Variants in CCSER1 observed in about 807,000 individuals in gnomAD.
CCSER1 encodes serine-rich coiled-coil domain-containing protein 1.
CCSER1 carries 41 observed loss-of-function variants against 82.0 expected under a neutral mutation model. That is an observed-to-expected ratio of 0.50 (90% CI 0.39 to 0.65). The LOEUF (loss-of-function observed/expected upper bound fraction) is 0.65. Among genes scored for constraint, CCSER1 ranks in the 30% least tolerant of loss-of-function variants. The pLI is 0.00. For missense variants in CCSER1, 1,119 were observed against 1,064.2 expected, an observed-to-expected ratio of 1.05 and a Z score of -0.72; for synonymous variants, 414 against 383.9, an observed-to-expected ratio of 1.08 and a Z score of -0.92.
intron 10 of CCSER1, among the ~76,000 whole-genome samples, chr4:91,115,104 G>C (rs1028498385): frequency 6.6e-6 from 1 of 152,096 alleles, no homozygotes; most frequent in African/African-American, 2.4e-5. Context: ...ATAAATAATA[G>C]CATAATGTCA....
At chr4:90,822,155 C>T (rs952404981) in intron 8 of CCSER1, among the ~76,000 whole-genome samples, 2 of 151,874 alleles carry the variant, frequency 1.3e-5, no homozygotes, top group South Asian at 2.1e-4. Context: ...GTTCTATGAC[C>T]GTGAAGAGAA....
intron 6 of CCSER1, among the ~76,000 whole-genome samples, chr4:90,646,406 G>A (rs1727611985): frequency 6.6e-6 from 1 of 152,146 alleles, no homozygotes; most frequent in East Asian, 1.9e-4. Context: ...GTATACACTG[G>A]GGTTTAGGAG....
At chr4:90,727,096 T>G (rs1483422224) in intron 7 of CCSER1, 1 of 353,566 alleles carries the variant, frequency 2.8e-6, no homozygotes, top group Non-Finnish European at 5.5e-6. Flanking sequence ...AAAAGTTTCT[T>G]TTATAAGAAC....
intron 9 of CCSER1, among the ~76,000 whole-genome samples, chr4:91,074,361 T>G (rs536710548): frequency 6.6e-6 from 1 of 152,324 alleles, no homozygotes; most frequent in Non-Finnish European, 1.5e-5. Flanking sequence ...TTTATTTAGA[T>G]AATGCCAATA....
intron 7 of CCSER1, among the ~76,000 whole-genome samples, chr4:90,745,867 A>AT (rs111497643): frequency 2.1e-4 from 31 of 146,980 alleles, no homozygotes; most frequent in African/African-American, 4.4e-4. Context: ...ATTTTTTTTA[A>AT]TTTTTTTTTT....
At chr4:91,290,045 T>C (rs913304409) in intron 10 of CCSER1, among the ~76,000 whole-genome samples, 7 of 152,032 alleles carry the variant, frequency 4.6e-5, no homozygotes, top group African/African-American at 1.2e-4. Context: ...AGGTACTCTG[T>C]AAGCTATGAA....
chr4:91,469,413 C>A lies in CCSER1; in HGVS notation c.2218-129159C>A, dbSNP rs183031849. Among the ~76,000 whole-genome samples, 27 of 152,256 alleles carry A rather than the reference C, an allele frequency of 1.8e-4. No individual in the cohort carries two copies. The East Asian group carries it at 5.2e-3, about 29-fold the overall frequency. On this transcript the variant is annotated intron_variant, in intron 10 of 10. Transcript: ENST00000509176. ...ATTTTCCCTAATAATGCTTTTAAGG[C>A]AGATTTTTCGTTCAGCTTAGTTTTT...
chr4:90,436,924 A>T (rs1404483390), intron 4 of CCSER1, among the ~76,000 whole-genome samples: 1 of 151,352 alleles, frequency 6.6e-6, no homozygotes, highest in East Asian at 2.0e-4. Flanking sequence ...CTCCTGCCTC[A>T]GCCTCCCGAG....
At chr4:91,474,067 G>A (rs150029962) in intron 10 of CCSER1, among the ~76,000 whole-genome samples, 6 of 152,110 alleles carry the variant, frequency 3.9e-5, no homozygotes, top group East Asian at 1.9e-4. Flanking sequence ...AGTAACAAAT[G>A]CTCTATTGCT....
At chr4:90,294,776 G>A (rs564581038) in intron 1 of CCSER1, among the ~76,000 whole-genome samples, 2 of 151,938 alleles carry the variant, frequency 1.3e-5, no homozygotes, top group African/African-American at 4.8e-5. Context: ...TGTCCCCGTT[G>A]ACGACAACCT....
intron 1 of CCSER1, among the ~76,000 whole-genome samples, chr4:90,305,269 T>C (rs1734059918): frequency 6.6e-6 from 1 of 152,192 alleles, no homozygotes; most frequent in African/African-American, 2.4e-5. Flanking sequence ...AAATGGCCAA[T>C]AAATATTTTA....
intron 10 of CCSER1, among the ~76,000 whole-genome samples, chr4:91,452,786 T>A (rs1755941109): frequency 6.6e-6 from 1 of 152,028 alleles, no homozygotes; most frequent in Non-Finnish European, 1.5e-5. Context: ...TTGAGCTCTT[T>A]GGTTGCAGTT....
intron 7 of CCSER1, among the ~76,000 whole-genome samples, chr4:90,792,590 C>T (rs149446363): frequency 4.1e-4 from 62 of 152,230 alleles, no homozygotes; most frequent in Non-Finnish European, 8.2e-4. Context: ...TGAGATTTAG[C>T]GATTCTTTTG....
intron 1 of CCSER1, among the ~76,000 whole-genome samples, chr4:90,128,598 G>A (rs1722261731): frequency 6.6e-6 from 1 of 152,064 alleles, no homozygotes; most frequent in African/African-American, 2.4e-5. Context: ...ACCGCATGTG[G>A]CCCCCTGGCC....
At chr4:90,665,996 T>C (rs887390764) in intron 6 of CCSER1, among the ~76,000 whole-genome samples, 1 of 152,086 alleles carries the variant, frequency 6.6e-6, no homozygotes, top group African/African-American at 2.4e-5. Flanking sequence ...CCCATTTCCT[T>C]ACAGGCCTGG....
At chr4:91,065,580 G>A (rs1720727340) in intron 9 of CCSER1, among the ~76,000 whole-genome samples, 1 of 151,940 alleles carries the variant, frequency 6.6e-6, no homozygotes, top group African/African-American at 2.4e-5. Flanking sequence ...GGTAACACTT[G>A]TTTACTTTTT....
At chr4:90,594,960 A>G (rs1002594710) in intron 5 of CCSER1, among the ~76,000 whole-genome samples, 1 of 152,004 alleles carries the variant, frequency 6.6e-6, no homozygotes, top group African/African-American at 2.4e-5. Context: ...AGTGCTTATT[A>G]TATGTTCTTT....
intron 10 of CCSER1, among the ~76,000 whole-genome samples, chr4:91,120,072 A>G (rs971353698): frequency 2.6e-5 from 4 of 152,184 alleles, no homozygotes; most frequent in Admixed American, 1.3e-4. Flanking sequence ...CTATTAAGCC[A>G]TAGAGAGTGG....
At chr4:90,986,694 T>TA (rs1003586227) in intron 9 of CCSER1, among the ~76,000 whole-genome samples, 13 of 151,694 alleles carry the variant, frequency 8.6e-5, no homozygotes, top group East Asian at 1.9e-4. Context: ...TGGTCTTGGG[T>TA]AAAAAAATGG....
Sources: allele counts gnomAD v4.1 joint callset (sites outside exome capture counted in the v4.1 genomes callset), GRCh38; gene constraint gnomAD v4.1.1; transcripts MANE v1.5; gene names NCBI Gene and HGNC (gene_info 2026-07-23, HGNC 2026-07-21).